The following GLRX2 variants were observed in gnomAD, a reference collection of about 807,000 sequenced individuals.
GLRX2 encodes glutaredoxin 2, also known as bA101E13.1 (GRX2 glutaredoxin (thioltransferase) 2).
In GLRX2, 12 loss-of-function variants were observed where a neutral mutation model predicts 16.4. That is an observed-to-expected ratio of 0.73 (90% CI 0.47 to 1.19). The LOEUF is 1.19. Among genes scored for constraint, GLRX2 ranks in the 50% most tolerant of loss-of-function variants. GLRX2 has a pLI of 0.00. For synonymous variants in GLRX2, 95 were observed against 76.2 expected (o/e 1.25, Z -1.28); for missense variants, 201 against 201.8 (o/e 1.00, Z 0.02).
intron 2 of GLRX2, 137 bp from the exon 3 acceptor site, chr1:193,097,897 T>A (rs1183365081): frequency 1.1e-5 from 6 of 531,422 alleles, no homozygotes; most frequent in African/African-American, 2.0e-5. Flanking sequence ...TTTTTTCTCA[T>A]CTGCAGATTG....
intron 1 of GLRX2, among the ~76,000 whole-genome samples, chr1:193,104,975 C>A (rs1243051860): frequency 1.3e-5 from 2 of 152,234 alleles, no homozygotes; most frequent in African/African-American, 4.8e-5. Context: ...CAATTGATTG[C>A]GGCGTCTTGT....
intron 2 of GLRX2, among the ~76,000 whole-genome samples, chr1:193,098,826 C>T (rs1283392061): frequency 6.6e-6 from 1 of 152,112 alleles, no homozygotes; most frequent in Non-Finnish European, 1.5e-5. Context: ...GCTGGGATTA[C>T]AGGTGTGAGC....
At chr1:193,097,484 G>T in intron 3 of GLRX2, 100 bp downstream of exon 3, 2 of 865,196 alleles carry the variant, frequency 2.3e-6, no homozygotes, top group Non-Finnish European at 3.4e-6. Flanking sequence ...TCTATCCTCA[G>T]AGAATGTCTG....
chr1:193,098,735 G>A (rs951913126), intron 2 of GLRX2, among the ~76,000 whole-genome samples: 10 of 151,926 alleles, frequency 6.6e-5, no homozygotes, highest in African/African-American at 2.4e-4. Flanking sequence ...TTTTTTAGTA[G>A]AGACGGGGTT....
At position 193,105,275 on chromosome 1, in the gene GLRX2, A is replaced by C. The variant is rs1185787238; in HGVS notation, c.108T>G (p.Ala36=). Residue 36 remains alanine, a synonymous_variant, in exon 1 of 4, where the codon GCT becomes GCG. Coordinates refer to ENST00000367439, the MANE Select transcript of GLRX2 (RefSeq NM_197962.3). ...CGCTGACCCCGTACCCAGAGGCCGC[A>C]GCTGCCGCAGCTCCCGCAGCTCCCG... The part of the protein sequence containing the change: ...RAAGAAGAAA[A]AASGMESNTS... 2 of 1,529,956 alleles carry C rather than the reference A, an allele frequency of 1.3e-6. No individual in the cohort carries two copies. Among genetic ancestry groups the C allele is most frequent in the Non-Finnish European group, 1.7e-6 (2 of 1,147,128 alleles). 94.8% of individuals were successfully genotyped at this position (1,529,956 alleles called of 1,614,324 possible). A position where few individuals can be genotyped will look rare whatever the true frequency, so the allele number is the denominator to read the frequency against.
Position 193,105,365 on chromosome 1 carries a change from C to A in GLRX2, c.18G>T (p.Ala6=), listed in dbSNP as rs1675172425. 1.9e-6 allele frequency: 3 copies of A among 1,546,790 alleles called. No homozygotes were observed. Among genetic ancestry groups the A allele is most frequent in the Non-Finnish European group, 1.7e-6 (2 of 1,157,148 alleles). The part of the protein sequence containing the change: MIWRR[A]ALAGTRLVWS... The stretch of plus-strand genomic sequence containing the variant: ...AAACCAGCCGCGTCCCCGCCAGCGC[C>A]GCGCGGCGCCAAATCATGGTCAGAG... Residue 6 remains alanine, a synonymous_variant, in exon 1 of 4, where the codon GCG becomes GCT. Transcript: ENST00000367439.
intron 1 of GLRX2, among the ~76,000 whole-genome samples, chr1:193,103,877 C>T (rs1171699895): frequency 9.9e-5 from 15 of 152,026 alleles, no homozygotes; most frequent in Admixed American, 9.8e-4. Context: ...AGGGAGACTG[C>T]AGCCAACCTG....
chr1:193,104,529 G>A (rs1384243423), intron 1 of GLRX2, among the ~76,000 whole-genome samples: 6 of 152,234 alleles, frequency 3.9e-5, no homozygotes, highest in Non-Finnish European at 7.3e-5. Context: ...ACTGATAGAA[G>A]CTCCCAGATC....
At chr1:193,104,574 C>T (rs930381405) in intron 1 of GLRX2, among the ~76,000 whole-genome samples, 3 of 152,236 alleles carry the variant, frequency 2.0e-5, no homozygotes, top group African/African-American at 7.2e-5. Flanking sequence ...CGGCCAAGTG[C>T]GCAGTGGCAG....
At chr1:193,100,522 A>T (rs1185740292) in intron 2 of GLRX2, among the ~76,000 whole-genome samples, 1 of 152,148 alleles carries the variant, frequency 6.6e-6, no homozygotes, top group African/African-American at 2.4e-5. Flanking sequence ...TCACAGTTAT[A>T]GTCAACAGCT....
intron 2 of GLRX2, 141 bp downstream of exon 2, chr1:193,101,000 A>G: frequency 1.5e-6 from 1 of 682,310 alleles, no homozygotes; most frequent in East Asian, 2.7e-5. Context: ...TTTTCATAGC[A>G]GATTTTAAAA....
chr1:193,104,545 G>A (rs540192034), intron 1 of GLRX2, among the ~76,000 whole-genome samples: 5 of 152,340 alleles, frequency 3.3e-5, no homozygotes, highest in Admixed American at 6.5e-5. Context: ...AGATCAAGTA[G>A]ATAGCGAGAC....
intron 2 of GLRX2, among the ~76,000 whole-genome samples, chr1:193,099,056 T>A (rs1239155923): frequency 6.6e-6 from 1 of 152,188 alleles, no homozygotes; most frequent in Non-Finnish European, 1.5e-5. Flanking sequence ...CTCATACTCT[T>A]AATTCAGGAA....
At chr1:193,099,175 C>T (rs1675023190) in intron 2 of GLRX2, among the ~76,000 whole-genome samples, 1 of 152,184 alleles carries the variant, frequency 6.6e-6, no homozygotes, top group Non-Finnish European at 1.5e-5. Context: ...TTGAAAACTA[C>T]CTTCCAGGCC....
chr1:193,105,478 G>A, upstream of GLRX2: 1 of 953,816 alleles, frequency 1.0e-6, no homozygotes, highest in Non-Finnish European at 1.4e-6. Context: ...GCCCCGCCCC[G>A]TCCCGCCCCT....
rs1675168189 is a variant in GLRX2 at position 193,105,290 on chromosome 1, C to T, written c.93G>A (p.Ala31=). 1 of 1,529,284 alleles carries T rather than the reference C, an allele frequency of 6.5e-7. No homozygotes were observed. The highest frequency in any genetic ancestry group is 8.7e-7 in the Non-Finnish European group (1 of 1,147,080). 94.7% of individuals were successfully genotyped at this position (1,529,284 alleles called of 1,614,324 possible). ...CAGAGGCCGCAGCTGCCGCAGCTCC[C>T]GCAGCTCCCGCCGCCCTGTCAAGCC... ...AGWLDRAAGA[A]GAAAAAASGM... is the part of the protein sequence containing the mutation. Residue 31 remains alanine, a synonymous_variant, in exon 1 of 4, where the codon GCG becomes GCA. Transcript: ENST00000367439.
chr1:193,096,548 A>G lies in GLRX2; in HGVS notation c.*77T>C. On this transcript the variant is annotated 3_prime_UTR_variant, in exon 4 of 4. Transcript: ENST00000367439. ...CAATGCATGTATTTAAAACATCCTCAAACATTTAAAAGACATTATCGGGCA... is the reference window on the plus strand; with the variant it reads ...CAATGCATGTATTTAAAACATCCTCGAACATTTAAAAGACATTATCGGGCA... 5 of 747,896 alleles carry G rather than the reference A, an allele frequency of 6.7e-6. No individual in the cohort carries two copies. The highest frequency in any genetic ancestry group is 1.1e-5 in the Non-Finnish European group (5 of 473,366). 46.3% of individuals were successfully genotyped at this position (747,896 alleles called of 1,614,324 possible).
chr1:193,096,568 C>T lies in GLRX2; in HGVS notation c.*57G>A, dbSNP rs985917226. On this transcript the variant is annotated 3_prime_UTR_variant, in exon 4 of 4. Coordinates refer to ENST00000367439, the MANE Select transcript of GLRX2 (RefSeq NM_197962.3). Reference sequence around the variant, plus strand: ...TCCTCAAACATTTAAAAGACATTATCGGGCATTACCACTTTAAATAACTGA... The same window carrying T: ...TCCTCAAACATTTAAAAGACATTATTGGGCATTACCACTTTAAATAACTGA... 41 of 902,374 alleles carry T rather than the reference C, an allele frequency of 4.5e-5. No individual in the cohort carries two copies. The highest frequency in any genetic ancestry group is 6.3e-5 in the Non-Finnish European group (37 of 587,536). The allele number at this position is 902,374 out of a possible 1,614,324, so 55.9% of individuals were successfully genotyped here. A position where few individuals can be genotyped will look rare whatever the true frequency, so the allele number is the denominator to read the frequency against.
rs1393243286 is a variant in GLRX2 at position 193,105,379 on chromosome 1, T to C, written c.4A>G (p.Ile2Val). The C allele has an allele frequency of 5.2e-6, 8 of 1,540,416 alleles. No individual in the cohort carries two copies. The Admixed American group carries it at 7.4e-5, about 14-fold the overall frequency. ...CCCGCCAGCGCCGCGCGGCGCCAAATCATGGTCAGAGCCCGGATCTGCAGC... is the reference window on the plus strand; with the variant it reads ...CCCGCCAGCGCCGCGCGGCGCCAAACCATGGTCAGAGCCCGGATCTGCAGC... The part of the protein sequence containing the change: M[I>V]WRRAALAGTR... The change falls in exon 1 of 4, where the codon ATT becomes GTT. Residue 2 changes from isoleucine (I) to valine (V), a missense_variant. Ile to Val is a conservative substitution (Grantham distance 29). Transcript: ENST00000367439.
Sources: gnomAD v4.1 joint callset for allele counts (sites outside exome capture counted in the v4.1 genomes callset) on GRCh38, gnomAD v4.1.1 for gene constraint, MANE v1.5 for transcripts, NCBI Gene and HGNC (gene_info 2026-07-23, HGNC 2026-07-21) for gene names.